POF1B: variants seen among roughly 807,000 people sequenced by gnomAD.
POF1B encodes the protein protein POF1B.
In POF1B, 53 loss-of-function variants were observed where a neutral mutation model predicts 55.3. The observed-to-expected ratio is 0.96, with a 90% CI of 0.77 to 1.20. The LOEUF is 1.20. Among genes scored for constraint, POF1B ranks in the 50% most tolerant of loss-of-function variants. The pLI, the probability that POF1B is intolerant of heterozygous loss-of-function variation, is 0.00. For synonymous variants in POF1B, 188 were observed against 148.3 expected (o/e 1.27, Z -1.95); for missense variants, 478 against 420.5 (o/e 1.14, Z -1.20).
rs1267216951 is a variant in POF1B at position 85,309,749 on chromosome X, C to G, written c.958-1533G>C. 1.5e-4 allele frequency among the ~76,000 whole-genome samples: 17 copies of G among 111,834 alleles called. No homozygotes were observed. The Admixed American group carries it at 1.6e-3, about 11-fold the overall frequency. On this transcript the variant is annotated intron_variant, in intron 9 of 16. Coordinates refer to ENST00000262753, the MANE Select transcript of POF1B (RefSeq NM_024921.4). ...AATTGCAACTCTACTTCCACACGGACCACCAAAGGCCAAGAAGAGAGCTTA... is the reference window on the plus strand; with the variant it reads ...AATTGCAACTCTACTTCCACACGGAGCACCAAAGGCCAAGAAGAGAGCTTA...
chrX:85,326,615 CG>C (rs1451221143), intron 7 of POF1B, among the ~76,000 whole-genome samples: 4 of 110,483 alleles, frequency 3.6e-5, no homozygotes, highest in Non-Finnish European at 5.7e-5. Flanking sequence ...AAGATGCATG[CG>C]CACATTCATG....
intron 7 of POF1B, among the ~76,000 whole-genome samples, chrX:85,330,141 A>C (rs954994936): frequency 9.1e-6 from 1 of 109,880 alleles, no homozygotes; most frequent in African/African-American, 3.3e-5. Context: ...ATATAGTAGA[A>C]GGCACCTTTT....
rs1216458341 is a variant in POF1B at position 85,279,401 on chromosome X, A to G, written c.*20T>C. The G allele has an allele frequency of 2.0e-5, 24 of 1,185,308 alleles. No homozygotes were observed. The highest frequency in any genetic ancestry group is 2.3e-5 in the Non-Finnish European group (20 of 874,928). On this transcript the variant is annotated 3_prime_UTR_variant, in exon 17 of 17. Transcript: ENST00000262753. ...AAAAAAAAAACGGCTTTGAGTTGTA[A>G]TACTTTAAAGTGGATCCATTCATGG...
At chrX:85,350,701 A>G (rs1300262556) in intron 5 of POF1B, among the ~76,000 whole-genome samples, 2 of 111,234 alleles carry the variant, frequency 1.8e-5, no homozygotes, top group African/African-American at 6.5e-5. Context: ...ACTTCTCAAA[A>G]GAAGACATTT....
Position 85,306,237 on chromosome X carries a change from C to A in POF1B, c.1261G>T (p.Glu421Ter). The A allele has an allele frequency of 8.3e-7, 1 of 1,203,808 alleles. No individual in the cohort carries two copies. The highest frequency in any genetic ancestry group is 2.3e-4 in the Middle Eastern group (1 of 4,327). Residue 421 changes from glutamate (E) to a stop codon, truncating the protein, a stop_gained, in exon 12 of 17, where the codon GAA becomes TAA. Coordinates refer to ENST00000262753, the MANE Select transcript of POF1B (RefSeq NM_024921.4). LOFTEE classifies it high-confidence loss of function. ...TLSDMEYRLK[E>*]LEYCKRNLEQ... ...AAATTACGTTTACAATATTCCAGTT[C>A]TTTTAGTCTGTATTCCATGTCTGAT...
chrX:85,364,912 A>G (rs1434093568), intron 3 of POF1B, among the ~76,000 whole-genome samples: 1 of 112,093 alleles, frequency 8.9e-6, no homozygotes, highest in Non-Finnish European at 1.9e-5. Flanking sequence ...GCTTGTTTAC[A>G]TAATCCCATA....
chrX:85,359,709 T>C, intron 3 of POF1B, 79 bp from the exon 4 acceptor site: 1 of 647,356 alleles, frequency 1.5e-6, no homozygotes, highest in Non-Finnish European at 2.4e-6. Flanking sequence ...TAGGGAACAA[T>C]TTCCAGGGTT....
intron 15 of POF1B, among the ~76,000 whole-genome samples, chrX:85,301,620 A>G (rs1238274476): frequency 9.0e-6 from 1 of 111,619 alleles, no homozygotes; most frequent in East Asian, 2.8e-4. Flanking sequence ...GTAAATATTA[A>G]TTAAATTTCT....
rs183353345 is a variant in POF1B, at chrX:85,356,323, G to T, written c.438+3227C>A. Among the ~76,000 whole-genome samples, 12 of 107,673 alleles carry T rather than the reference G, an allele frequency of 1.1e-4. No individual in the cohort carries two copies. The South Asian group carries it at 4.2e-3, about 38-fold the overall frequency. 93.5% of individuals were successfully genotyped at this position (107,673 alleles called of 115,157 possible). On this transcript the variant is annotated intron_variant, in intron 4 of 16. Coordinates refer to ENST00000262753, the MANE Select transcript of POF1B (RefSeq NM_024921.4). ...GGGGCCTGTTGTGGGGTGGAGGGAG[G>T]GGGGGATAGCATTAGGAGATATACC...
chrX:85,371,283 C>T (rs1420826001), intron 2 of POF1B, among the ~76,000 whole-genome samples: 1 of 111,818 alleles, frequency 8.9e-6, no homozygotes, highest in Non-Finnish European at 1.9e-5. Context: ...ACTTATTTTT[C>T]CATACAAACA....
At chrX:85,351,548 T>G in intron 4 of POF1B, 97 bp from the exon 5 acceptor site, 1 of 558,057 alleles carries the variant, frequency 1.8e-6, no homozygotes, top group Non-Finnish European at 2.9e-6. Context: ...GGCTCTGAAG[T>G]ACTGGCTGAC....
At chrX:85,333,809 C>G (rs947237561) in intron 6 of POF1B, among the ~76,000 whole-genome samples, 2 of 110,545 alleles carry the variant, frequency 1.8e-5, no homozygotes, top group African/African-American at 6.6e-5. Context: ...GTGATTGACT[C>G]CTCTCAGGAA....
At chrX:85,331,178 A>G in intron 6 of POF1B, 99 bp from the exon 7 acceptor site, 1 of 858,304 alleles carries the variant, frequency 1.2e-6, no homozygotes, top group South Asian at 4.1e-5. Context: ...TACTAAAGTC[A>G]TCACATAAAT....
At chrX:85,333,957 G>T (rs753776372) in intron 6 of POF1B, among the ~76,000 whole-genome samples, 2 of 107,254 alleles carry the variant, frequency 1.9e-5, no homozygotes, top group Admixed American at 1.0e-4. Flanking sequence ...AATTTGGGAG[G>T]GGGGAGGGCT....
chrX:85,321,461 C>T (rs1281867976), intron 7 of POF1B, among the ~76,000 whole-genome samples: 2 of 109,301 alleles, frequency 1.8e-5, no homozygotes, highest in Non-Finnish European at 3.8e-5. Context: ...TAAGAGCTAT[C>T]TATGACAAAC....
chrX:85,298,138 A>T (rs1234986799), intron 15 of POF1B, among the ~76,000 whole-genome samples: 1 of 112,343 alleles, frequency 8.9e-6, no homozygotes, highest in Non-Finnish European at 1.9e-5. Context: ...CAATCAGTGG[A>T]GGCTGTGCTG....
In POF1B at chrX:85,282,063, C is replaced by G. The variant is rs1471809998; in HGVS notation, c.1764+140G>C. The G allele has an allele frequency of 9.5e-6, 7 of 736,625 alleles. No homozygotes were observed. The African/African-American group carries it at 1.6e-4, about 17-fold the overall frequency. 60.7% of individuals were successfully genotyped at this position (736,625 alleles called of 1,213,427 possible). On this transcript the variant is annotated intron_variant, in intron 16 of 16. Coordinates refer to ENST00000262753, the MANE Select transcript of POF1B (RefSeq NM_024921.4). ...TCTTTCCAAAATTTGTTAATTCCCACTGTATATCAATAATGGAAACAGAAA... is the reference window on the plus strand; with the variant it reads ...TCTTTCCAAAATTTGTTAATTCCCAGTGTATATCAATAATGGAAACAGAAA...
At chrX:85,302,723 G>A (rs73234689) in intron 15 of POF1B, among the ~76,000 whole-genome samples, 1 of 111,308 alleles carries the variant, frequency 9.0e-6, no homozygotes, top group East Asian at 2.8e-4. Context: ...CCATACAACT[G>A]GATATTATTT....
At chrX:85,330,379 C>T (rs1382204569) in intron 7 of POF1B, among the ~76,000 whole-genome samples, 1 of 111,085 alleles carries the variant, frequency 9.0e-6, no homozygotes, top group Admixed American at 9.6e-5. Context: ...ATTTTAAACT[C>T]TGGCCTACAT....
Sources: gnomAD v4.1 joint callset for allele counts (sites outside exome capture counted in the v4.1 genomes callset) on GRCh38, gnomAD v4.1.1 for gene constraint, MANE v1.5 for transcripts, NCBI Gene and HGNC (gene_info 2026-07-23, HGNC 2026-07-21) for gene names.